Variants in OPRM1 observed in about 807,000 individuals in gnomAD.
OPRM1 encodes mu-type opioid receptor.
A neutral mutation model predicts 31.8 loss-of-function variants in OPRM1; 27 were observed. That is an observed-to-expected ratio of 0.85 (90% CI 0.63 to 1.17). The LOEUF is 1.17. Ranked by LOEUF, OPRM1 falls within the 50% of genes most tolerant of loss-of-function variation. OPRM1 has a pLI of 0.00. For synonymous variants in OPRM1, 196 were observed against 189.9 expected, an observed-to-expected ratio of 1.03 and a Z score of -0.26; for missense variants, 536 against 511.1, an observed-to-expected ratio of 1.05 and a Z score of -0.47.
At chr6:154,235,514 A>G (rs1780049136) in intron 3 of OPRM1, among the ~76,000 whole-genome samples, 1 of 144,464 alleles carries the variant, frequency 6.9e-6, no homozygotes. Flanking sequence ...CTGGGCGACA[A>G]GAGCAAAACT....
intron 3 of OPRM1, among the ~76,000 whole-genome samples, chr6:154,139,278 C>T (rs1448570457): frequency 2.6e-5 from 4 of 152,126 alleles, no homozygotes; most frequent in Non-Finnish European, 1.5e-5. Flanking sequence ...TGACTTGTGT[C>T]GCTGGTATCA....
rs1026781295 is a variant in OPRM1 at position 154,090,011 on chromosome 6, C to A, written c.476C>A (p.Thr159Asn). Residue 159 changes from threonine to asparagine, a missense_variant, in exon 2 of 4, where the codon ACC becomes AAC. Thr to Asn is a moderately conservative substitution (Grantham distance 65). Coordinates refer to ENST00000330432, the MANE Select transcript of OPRM1 (RefSeq NM_000914.5). The stretch of plus-strand genomic sequence containing the variant: ...TATAACATGTTCACCAGCATATTCA[C>A]CCTCTGCACCATGAGTGTTGATCGA... ...DYYNMFTSIFTLCTMSVDRYI... is the reference protein window; with the variant it reads ...DYYNMFTSIFNLCTMSVDRYI... 3 of 1,614,038 alleles carry A rather than the reference C, an allele frequency of 1.9e-6. No individual in the cohort carries two copies. The Admixed American group carries it at 5.0e-5, about 27-fold the overall frequency.
intron 1 of OPRM1, among the ~76,000 whole-genome samples, chr6:154,069,642 A>T (rs2128450742): frequency 6.6e-6 from 1 of 152,298 alleles, no homozygotes; most frequent in South Asian, 2.1e-4. Context: ...TGGGGGTCTT[A>T]CATTTAAGTT....
chr6:154,140,539 AGGC>A lies in OPRM1; in HGVS notation c.1164+49068_1164+49070del, dbSNP rs1583649729. On this transcript the variant is annotated intron_variant, in intron 3 of 3. Transcript: ENST00000337049. ...GAGACAGGGTTTCGCCATGTTGGCC[AGGC>A]TGGTCTCAAATTCCTGACTTCAGGT... 5.3e-5 allele frequency among the ~76,000 whole-genome samples: 8 copies of A among 152,244 alleles called. No homozygotes were observed. In the East Asian group the frequency reaches 1.5e-3, roughly 29 times the overall value.
At chr6:154,152,141 C>T (rs1474118538) in intron 3 of OPRM1, among the ~76,000 whole-genome samples, 1 of 131,056 alleles carries the variant, frequency 7.6e-6, no homozygotes, top group East Asian at 2.2e-4. Flanking sequence ...CGCGCCACTG[C>T]ACTCCAGCCA....
In OPRM1 at chr6:154,091,105, T is replaced by C; in HGVS notation, c.797T>C (p.Met266Thr). 6.2e-7 allele frequency: 1 copy of C among 1,614,184 alleles called. No individual in the cohort carries two copies. Among genetic ancestry groups the C allele is most frequent in the Non-Finnish European group, 8.5e-7 (1 of 1,180,032 alleles). The part of the protein sequence containing the change: ...LMILRLKSVR[M>T]LSGSKEKDRN... Reference sequence around the variant, plus strand: ...ATCTTGCGCCTCAAGAGTGTCCGCATGCTCTCTGGCTCCAAAGAAAAGGAC... The same window carrying C: ...ATCTTGCGCCTCAAGAGTGTCCGCACGCTCTCTGGCTCCAAAGAAAAGGAC... The change falls in exon 3 of 4, where the codon ATG becomes ACG. Residue 266 changes from methionine to threonine, a missense_variant. Coordinates refer to ENST00000330432, the MANE Select transcript of OPRM1 (RefSeq NM_000914.5).
At chr6:154,076,128 C>A (rs1787845778) in intron 1 of OPRM1, among the ~76,000 whole-genome samples, 1 of 152,048 alleles carries the variant, frequency 6.6e-6, no homozygotes, top group Admixed American at 6.5e-5. Context: ...ATTATTTTTA[C>A]AAAGTTTACA....
At chr6:154,206,846 C>A (rs1030977729) in intron 3 of OPRM1, among the ~76,000 whole-genome samples, 1 of 152,236 alleles carries the variant, frequency 6.6e-6, no homozygotes, top group South Asian at 2.1e-4. Flanking sequence ...TTTTGGGGAA[C>A]AGCAGGCCGT....
chr6:154,232,726 G>A lies in OPRM1; in HGVS notation c.1165-13967G>A, dbSNP rs181728529. Among the ~76,000 whole-genome samples, 496 of 152,244 alleles carry A rather than the reference G, an allele frequency of 3.3e-3. 1 individual carries two copies. Among genetic ancestry groups the A allele is most frequent in the Non-Finnish European group, 4.8e-3 (327 of 68,018 alleles). Reference sequence around the variant, plus strand: ...ATGTAAGCCACATACTCTGACATCCGAGGCAGAGTACTTAACCTCTCTGAG... The same window carrying A: ...ATGTAAGCCACATACTCTGACATCCAAGGCAGAGTACTTAACCTCTCTGAG... On this transcript the variant is annotated intron_variant, in intron 3 of 3. Transcript: ENST00000337049.
chr6:154,088,306 T>C (rs946254608), intron 1 of OPRM1, among the ~76,000 whole-genome samples: 5 of 152,036 alleles, frequency 3.3e-5, no homozygotes, highest in South Asian at 2.1e-4. Context: ...AGCAATTGCC[T>C]GAGGAATAGT....
intron 3 of OPRM1, among the ~76,000 whole-genome samples, chr6:154,230,712 A>G (rs1388125195): frequency 2.0e-5 from 3 of 152,192 alleles, no homozygotes; most frequent in Admixed American, 1.3e-4. Flanking sequence ...TTTCAATGAA[A>G]CCATAGTTCC....
At chr6:154,087,222 T>G in intron 1 of OPRM1, 1 of 985,430 alleles carries the variant, frequency 1.0e-6, no homozygotes, top group Non-Finnish European at 1.2e-6. Flanking sequence ...ATCAGAATTT[T>G]AAAGCTTCAG....
At position 154,152,390 on chromosome 6, in the gene OPRM1, A is replaced by AAGAAAGAGAGAGAGAG. The variant is rs1360734115; in HGVS notation, c.1164+60921_1164+60922insAAGAGAGAGAGAGAGA. Among the ~76,000 whole-genome samples the AAGAAAGAGAGAGAGAG allele has an allele frequency of 3.2e-4, 40 of 126,294 alleles. 1 individual carries two copies. The highest frequency in any genetic ancestry group is 5.8e-4 in the African/African-American group (19 of 32,728). 82.9% of individuals were successfully genotyped at this position (126,294 alleles called of 152,430 possible). A position where few individuals can be genotyped will look rare whatever the true frequency, so the allele number is the denominator to read the frequency against. On this transcript the variant is annotated intron_variant, in intron 3 of 3. Coordinates refer to the OPRM1 transcript ENST00000337049. The stretch of plus-strand genomic sequence containing the variant: ...AAAGAAAGAAAGAAAGAAAGAAAGA[A>AAGAAAGAGAGAGAGAG]AGAGAAATAGTGTTCAGGTTGTGGT...
At chr6:154,020,423 A>G (rs12216066) in intron 1 of OPRM1, among the ~76,000 whole-genome samples, 13,523 of 152,264 alleles carry the variant, frequency 0.089, 1,070 homozygotes, top group African/African-American at 0.21. Flanking sequence ...AAAGATCAAA[A>G]TCCCTAATGT....
intron 3 of OPRM1, among the ~76,000 whole-genome samples, chr6:154,115,266 G>A (rs778413845): frequency 2.6e-5 from 4 of 152,144 alleles, no homozygotes; most frequent in African/African-American, 9.7e-5. Context: ...ATAAGGCGGC[G>A]CAGTGGCTCA....
intron 1 of OPRM1, among the ~76,000 whole-genome samples, chr6:154,024,342 G>A (rs1583138088): frequency 6.6e-6 from 1 of 151,908 alleles, no homozygotes; most frequent in East Asian, 1.9e-4. Context: ...GCTCATAGTA[G>A]CCACTAATTA....
intron 1 of OPRM1, chr6:154,074,328 GTGTT>G (rs897641226): frequency 6.6e-6 from 1 of 152,190 alleles, no homozygotes; most frequent in African/African-American, 2.4e-5. Context: ...TGACACATAA[GTGTT>G]TGTTAAATAA....
intron 1 of OPRM1, among the ~76,000 whole-genome samples, chr6:154,049,077 G>C (rs774724430): frequency 5.9e-5 from 9 of 152,246 alleles, no homozygotes; most frequent in South Asian, 2.1e-4. Context: ...GTGTGTTTCT[G>C]TTTAAAGACG....
chr6:154,025,858 TTTG>T (rs1251616995), intron 1 of OPRM1, among the ~76,000 whole-genome samples: 1 of 152,134 alleles, frequency 6.6e-6, no homozygotes, highest in Non-Finnish European at 1.5e-5. Flanking sequence ...TTTTTAACAT[TTTG>T]TTGTTTCTAT....
Sources: allele counts gnomAD v4.1 joint callset (sites outside exome capture counted in the v4.1 genomes callset), GRCh38; gene constraint gnomAD v4.1.1; transcripts MANE v1.5; gene names NCBI Gene and HGNC (gene_info 2026-07-23, HGNC 2026-07-21).